GAST: variants seen among roughly 807,000 people sequenced by gnomAD.
GAST encodes the protein gastrin, also known as preprogastrin.
GAST carries 9 observed loss-of-function variants against 12.5 expected under a neutral mutation model. That is an observed-to-expected ratio of 0.72 (90% CI 0.43 to 1.25). The LOEUF is 1.25. Among genes scored for constraint, GAST ranks in the 50% most tolerant of loss-of-function variants. The pLI is 0.00. For synonymous variants in GAST, 52 were observed against 51.1 expected, an observed-to-expected ratio of 1.02 and a Z score of -0.08; for missense variants, 121 against 127.7, an observed-to-expected ratio of 0.95 and a Z score of 0.25.
chr17:41,715,249 G>A (rs1425387068), intron 1 of GAST, among the ~76,000 whole-genome samples, 183 bp from the exon 2 acceptor site: 6 of 151,134 alleles, frequency 4.0e-5, no homozygotes, highest in South Asian at 4.2e-4. Context: ...ATAGTGAGCC[G>A]AGATCCCACC....
At chr17:41,715,356 C>T in intron 1 of GAST, 76 bp from the exon 2 acceptor site, 2 of 1,106,184 alleles carry the variant, frequency 1.8e-6, no homozygotes, top group Non-Finnish European at 2.6e-6. Flanking sequence ...CCTGGAGCCA[C>T]ATGGTTCAGT....
intron 1 of GAST, among the ~76,000 whole-genome samples, chr17:41,714,321 T>C (rs1482238869): frequency 1.3e-5 from 2 of 152,044 alleles, no homozygotes; most frequent in Admixed American, 6.5e-5. Flanking sequence ...TACAGGTGCA[T>C]GCCACCATGC....
Sources: allele counts gnomAD v4.1 joint callset (sites outside exome capture counted in the v4.1 genomes callset), GRCh38; gene constraint gnomAD v4.1.1; transcripts MANE v1.5; gene names NCBI Gene and HGNC (gene_info 2026-07-23, HGNC 2026-07-21).